SEMA5B: variants seen among roughly 807,000 people sequenced by gnomAD.
SEMA5B encodes the protein semaphorin 5B.
SEMA5B carries 66 observed loss-of-function variants against 135.0 expected under a neutral mutation model. That is an observed-to-expected ratio of 0.49 (90% confidence interval 0.40 to 0.60). The LOEUF (loss-of-function observed/expected upper bound fraction) is 0.60. SEMA5B is among the 20% of genes least tolerant of loss of function. The probability of loss-of-function intolerance (pLI) is 0.00; values close to 1 mark genes in which losing one functional copy is unlikely to be tolerated. For synonymous variants in SEMA5B, 690 were observed against 639.5 expected (o/e 1.08, Z -1.19); for missense variants, 1,501 against 1,566.3 (o/e 0.96, Z 0.70).
In SEMA5B at chr3:122,912,289, C is replaced by T. The variant is rs1198978569; in HGVS notation, c.2779G>A (p.Gly927Ser). The change falls in exon 19 of 23, where the codon GGT (glycine) becomes AGT (serine). Residue 927 changes from glycine to serine, a missense_variant. Gly to Ser is a moderately conservative substitution (Grantham distance 56). Transcript: ENST00000357599. ...TSWSPCSASC[G>S]GGHYQRTRSC... ...CGGGTGCGTTGATAGTGACCCCCAC[C>T]ACAGGAAGCTGAGCATGGAGACCAT... The T allele has an allele frequency of 6.2e-7, 1 of 1,612,134 alleles. No individual in the cohort carries two copies.
intron 1 of SEMA5B, among the ~76,000 whole-genome samples, chr3:123,010,125 A>G (rs528739446): frequency 1.3e-5 from 2 of 152,246 alleles, no homozygotes; most frequent in African/African-American, 2.4e-5. Flanking sequence ...GATGGGTGAG[A>G]GGCGGGGAGT....
At chr3:122,995,025 C>T (rs147487957) in intron 1 of SEMA5B, among the ~76,000 whole-genome samples, 10 of 152,194 alleles carry the variant, frequency 6.6e-5, no homozygotes, top group East Asian at 5.8e-4. Flanking sequence ...GGAGGGAAGC[C>T]GGGGTGTAAA....
chr3:122,956,304 G>T (rs1461896659), intron 2 of SEMA5B, among the ~76,000 whole-genome samples: 1 of 152,214 alleles, frequency 6.6e-6, no homozygotes, highest in Non-Finnish European at 1.5e-5. Context: ...GGTGCCTGGA[G>T]GCGTGTGAAT....
Position 123,023,827 on chromosome 3 carries a change from A to C in SEMA5B, c.-39+3637T>G, listed in dbSNP as rs1375581724. Among the ~76,000 whole-genome samples, 3 of 152,222 alleles carry C rather than the reference A, an allele frequency of 2.0e-5. No homozygotes were observed. The East Asian group carries it at 5.8e-4, about 29-fold the overall frequency. On this transcript the variant is annotated intron_variant, in intron 1 of 22. Coordinates refer to ENST00000357599, the MANE Select transcript of SEMA5B (RefSeq NM_001031702.4). ...GGGAGATCAGAGGCATGTGTTGTTT[A>C]CTGTTGTATCCATGGCTCCTAGAAC...
intron 5 of SEMA5B, among the ~76,000 whole-genome samples, chr3:122,935,998 C>T (rs1254944553): frequency 6.6e-6 from 1 of 152,158 alleles, no homozygotes; most frequent in African/African-American, 2.4e-5. Context: ...CAGCCTCTAT[C>T]CGCTTTCCAT....
chr3:122,999,098 A>G (rs1942101601), intron 1 of SEMA5B, among the ~76,000 whole-genome samples: 1 of 152,156 alleles, frequency 6.6e-6, no homozygotes, highest in Non-Finnish European at 1.5e-5. Context: ...CCTCCTTCCC[A>G]CTACACCACA....
chr3:122,922,187 C>G (rs1434658891), intron 11 of SEMA5B, 53 bp downstream of exon 11: 2 of 1,573,766 alleles, frequency 1.3e-6, no homozygotes. Context: ...AGCCCCGCGC[C>G]GTCCCTCAAC....
At chr3:122,990,678 C>T (rs1388416405) in intron 1 of SEMA5B, among the ~76,000 whole-genome samples, 3 of 152,212 alleles carry the variant, frequency 2.0e-5, no homozygotes, top group East Asian at 1.9e-4. Flanking sequence ...AGGTCTCCTT[C>T]ATGGAGCCCT....
At chr3:122,911,271 A>T in intron 21 of SEMA5B, 1 of 1,356,834 alleles carries the variant, frequency 7.4e-7, no homozygotes, top group Non-Finnish European at 9.9e-7. Context: ...GAGGGTCTAG[A>T]GTCAGATGAC....
chr3:123,005,024 G>T (rs1942271584), intron 1 of SEMA5B, among the ~76,000 whole-genome samples: 2 of 152,270 alleles, frequency 1.3e-5, no homozygotes, highest in South Asian at 4.1e-4. Context: ...TATCTCTTTT[G>T]CACCCTCTCT....
At chr3:123,011,100 C>G (rs1020889967) in intron 1 of SEMA5B, among the ~76,000 whole-genome samples, 1 of 152,212 alleles carries the variant, frequency 6.6e-6, no homozygotes. Flanking sequence ...AGCCCCTCCT[C>G]TCATGTAACA....
Position 122,943,417 on chromosome 3 carries a change from C to A in SEMA5B, c.428+19G>T. The A allele has an allele frequency of 6.4e-7, 1 of 1,553,096 alleles. No individual in the cohort carries two copies. Among genetic ancestry groups the A allele is most frequent in the Non-Finnish European group, 8.8e-7 (1 of 1,136,604 alleles). On this transcript the variant is annotated intron_variant, in intron 4 of 22. Coordinates refer to ENST00000357599, the MANE Select transcript of SEMA5B (RefSeq NM_001031702.4). The stretch of plus-strand genomic sequence containing the variant: ...CAAGCCCCTGCACTTCCCACCCCGA[C>A]CCTTCTGCCCCTTGTTACCTGGCTC...
chr3:122,911,964 C>A lies in SEMA5B; in HGVS notation c.3002G>T (p.Gly1001Val). ...ELLPGSSACA[G>V]NSSQSRPCPY... ...GCAGGGGCGGCTCTGGCTGCTGTTT[C>A]CAGCACAGGCGCTGGACCCTGGGAG... Residue 1001 changes from glycine to valine, a missense_variant, in exon 20 of 23, where the codon GGA becomes GTA. This residue lies in a region of SEMA5B where 927 missense variants were observed against 881.6 expected (regional missense o/e 1.05). Coordinates refer to ENST00000357599, the MANE Select transcript of SEMA5B (RefSeq NM_001031702.4). 1.2e-6 allele frequency: 2 copies of A among 1,611,740 alleles called. No homozygotes were observed. Among genetic ancestry groups the A allele is most frequent in the Non-Finnish European group, 1.7e-6 (2 of 1,178,568 alleles).
At chr3:122,936,889 AG>A (rs748962732) in intron 5 of SEMA5B, among the ~76,000 whole-genome samples, 1 of 152,212 alleles carries the variant, frequency 6.6e-6, no homozygotes, top group African/African-American at 2.4e-5. Context: ...ATTTTCTTTA[AG>A]GAAGAGTGGT....
At chr3:123,001,584 T>A (rs1942175779) in intron 1 of SEMA5B, among the ~76,000 whole-genome samples, 1 of 152,230 alleles carries the variant, frequency 6.6e-6, no homozygotes, top group South Asian at 2.1e-4. Context: ...AATGTATTTA[T>A]AATGTACTGA....
At chr3:122,977,594 C>A (rs905887791) in intron 1 of SEMA5B, among the ~76,000 whole-genome samples, 6 of 152,182 alleles carry the variant, frequency 3.9e-5, no homozygotes, top group Admixed American at 2.6e-4. Flanking sequence ...CTCTCATGCT[C>A]CTAGGATTTA....
At chr3:122,989,943 T>G (rs1027457877) in intron 1 of SEMA5B, among the ~76,000 whole-genome samples, 2 of 152,182 alleles carry the variant, frequency 1.3e-5, no homozygotes, top group Non-Finnish European at 2.9e-5. Context: ...GTGGCTTGTC[T>G]GGGGTGACTA....
intron 9 of SEMA5B, among the ~76,000 whole-genome samples, chr3:122,925,521 A>T (rs897873803): frequency 2.0e-5 from 3 of 152,024 alleles, no homozygotes; most frequent in African/African-American, 7.2e-5. Flanking sequence ...ACAAAAAATT[A>T]GCCAGGCATG....
intron 1 of SEMA5B, among the ~76,000 whole-genome samples, chr3:122,965,126 G>A (rs960450827): frequency 3.3e-5 from 5 of 152,328 alleles, no homozygotes; most frequent in African/African-American, 7.2e-5. Context: ...GCAGCTTGAC[G>A]TTTCAGTGGT....
Sources: gnomAD v4.1 joint callset for allele counts (sites outside exome capture counted in the v4.1 genomes callset) on GRCh38, gnomAD v4.1.1 for gene constraint, gnomAD v4.1.1 regional missense constraint, MANE v1.5 for transcripts, NCBI Gene and HGNC (gene_info 2026-07-23, HGNC 2026-07-21) for gene names.